The following ASAP1 variants were observed in gnomAD, a reference collection of about 807,000 sequenced individuals.
ASAP1 encodes arf-GAP with SH3 domain, ANK repeat and PH domain-containing protein 1.
In ASAP1, 43 loss-of-function variants were observed where a neutral mutation model predicts 145.2. That is an observed-to-expected ratio of 0.30 (90% CI 0.23 to 0.38). The LOEUF (loss-of-function observed/expected upper bound fraction) is 0.38. Among genes scored for constraint, ASAP1 ranks in the 10% least tolerant of loss-of-function variants. The pLI is 1.00. For missense variants in ASAP1, 1,018 were observed against 1,355.3 expected, an observed-to-expected ratio of 0.75 and a Z score of 3.91; for synonymous variants, 546 against 515.5, an observed-to-expected ratio of 1.06 and a Z score of -0.80.
chr8:130,153,593 C>T (rs1397045909), intron 12 of ASAP1, among the ~76,000 whole-genome samples: 1 of 151,618 alleles, frequency 6.6e-6, no homozygotes, highest in Admixed American at 6.6e-5. Flanking sequence ...GTCTCAAACT[C>T]CTGGGCTCAT....
Position 130,072,824 on chromosome 8 carries a change from T to TGTGTGTGCGCGCGCGCGCGC in ASAP1, c.2701+3523_2701+3524insGCGCGCGCGCGCGCACACAC. On this transcript the variant is annotated intron_variant, in intron 27 of 29. Transcript: ENST00000518721. ...GTGTGTGTGTGTGTGTGTGTGTGTG[T>TGTGTGTGCGCGCGCGCGCGC]GCGCGCGGGGGGGGGCAGTTTTGGG... Among the ~76,000 whole-genome samples the TGTGTGTGCGCGCGCGCGCGC allele has an allele frequency of 1.9e-3, 60 of 32,310 alleles. 1 individual carries two copies. Among genetic ancestry groups the TGTGTGTGCGCGCGCGCGCGC allele is most frequent in the Admixed American group, 8.3e-3 (23 of 2,786 alleles). The allele number at this position is 32,310 out of a possible 152,430, so 21.2% of individuals were successfully genotyped here.
At chr8:130,059,948 A>T (rs1262423407) in intron 28 of ASAP1, among the ~76,000 whole-genome samples, 1 of 151,858 alleles carries the variant, frequency 6.6e-6, no homozygotes, top group Non-Finnish European at 1.5e-5. Context: ...GCGTAGTGAT[A>T]TGTACCTTGG....
rs920693729 is a variant in ASAP1 at position 130,193,986 on chromosome 8, C to T, written c.406-5803G>A. Among the ~76,000 whole-genome samples the T allele has an allele frequency of 2.6e-5, 4 of 152,180 alleles. 1 individual carries two copies. In the South Asian group the frequency reaches 8.3e-4, roughly 32 times the overall value. On this transcript the variant is annotated intron_variant, in intron 5 of 29. Coordinates refer to ENST00000518721, the MANE Select transcript of ASAP1 (RefSeq NM_018482.4). ...ATTACAGGCGTGAGCAACCATGCTC[C>T]GCCACACATAGTAACTTTTTAATGT...
At chr8:130,416,191 C>T (rs1022910224) in intron 1 of ASAP1, among the ~76,000 whole-genome samples, 2 of 152,114 alleles carry the variant, frequency 1.3e-5, no homozygotes, top group African/African-American at 2.4e-5. Context: ...TCGCCAACTC[C>T]GGAGGACAAG....
intron 25 of ASAP1, among the ~76,000 whole-genome samples, chr8:130,090,263 GAAAT>G (rs140699732): frequency 0.066 from 9,935 of 151,094 alleles, 1,088 homozygotes; most frequent in African/African-American, 0.23. Flanking sequence ...CAAACCTTAA[GAAAT>G]AAAGCCACTT....
At chr8:130,167,725 G>A (rs1272578997) in intron 10 of ASAP1, 103 bp from the exon 11 acceptor site, 1 of 823,584 alleles carries the variant, frequency 1.2e-6, no homozygotes, top group Admixed American at 2.4e-5. Context: ...TATATATTTG[G>A]TTTTCTTACT....
chr8:130,188,679 A>G (rs1814911497), intron 5 of ASAP1, among the ~76,000 whole-genome samples: 2 of 104,904 alleles, frequency 1.9e-5, no homozygotes, highest in Non-Finnish European at 2.1e-5. Flanking sequence ...GGTTGCAGTG[A>G]GCCGAGATCA....
At chr8:130,169,188 GTA>G in intron 9 of ASAP1, 121 bp from the exon 10 acceptor site, 1 of 571,306 alleles carries the variant, frequency 1.8e-6, no homozygotes, top group Non-Finnish European at 3.1e-6. Context: ...ACACTTATCT[GTA>G]TATATATACT....
chr8:130,321,885 T>C (rs571975079), intron 3 of ASAP1, among the ~76,000 whole-genome samples: 36 of 152,376 alleles, frequency 2.4e-4, no homozygotes, highest in Admixed American at 6.5e-4. Context: ...TTTAATTTTC[T>C]ATGATAAAAT....
intron 28 of ASAP1, 113 bp downstream of exon 28, chr8:130,060,466 G>C: frequency 7.3e-7 from 1 of 1,378,946 alleles, no homozygotes; most frequent in Non-Finnish European, 9.9e-7. Flanking sequence ...AGCACATAAG[G>C]GTCAGGTGAG....
intron 9 of ASAP1, among the ~76,000 whole-genome samples, chr8:130,177,604 T>C (rs866865598): frequency 9.9e-5 from 15 of 152,190 alleles, no homozygotes; most frequent in Admixed American, 4.6e-4. Context: ...AGGTCTTCAA[T>C]AAACAAACTT....
chr8:130,277,990 A>G (rs1264455914), intron 3 of ASAP1, among the ~76,000 whole-genome samples: 1 of 152,168 alleles, frequency 6.6e-6, no homozygotes, highest in African/African-American at 2.4e-5. Flanking sequence ...GAAGAAATCC[A>G]AAGTAGTATG....
intron 3 of ASAP1, among the ~76,000 whole-genome samples, chr8:130,259,339 G>A (rs1214960831): frequency 6.6e-6 from 1 of 152,112 alleles, no homozygotes; most frequent in Non-Finnish European, 1.5e-5. Context: ...CTAATAACAA[G>A]TTATTTCTCA....
In ASAP1 at chr8:130,254,260, A is replaced by T. The variant is rs566633404; in HGVS notation, c.187-17266T>A. ...GTTTTTCTTTTTAAATATATTTTAGATGCTTTTATTTAATTAATAAATTCA... is the reference window on the plus strand; with the variant it reads ...GTTTTTCTTTTTAAATATATTTTAGTTGCTTTTATTTAATTAATAAATTCA... On this transcript the variant is annotated intron_variant, in intron 3 of 29. Transcript: ENST00000518721. Among the ~76,000 whole-genome samples, 65 of 152,334 alleles carry T rather than the reference A, an allele frequency of 4.3e-4. 1 individual carries two copies. The highest frequency in any genetic ancestry group is 1.5e-3 in the African/African-American group (64 of 41,570).
chr8:130,117,225 A>G (rs2097557704), intron 20 of ASAP1, among the ~76,000 whole-genome samples: 1 of 152,224 alleles, frequency 6.6e-6, no homozygotes, highest in Non-Finnish European at 1.5e-5. Context: ...TAACATTTAC[A>G]TGTATTAGTT....
intron 13 of ASAP1, among the ~76,000 whole-genome samples, chr8:130,146,326 C>T (rs185489767): frequency 1.3e-5 from 2 of 151,972 alleles, no homozygotes; most frequent in East Asian, 1.9e-4. Context: ...TAGCATATAC[C>T]TTCGTATATG....
intron 27 of ASAP1, among the ~76,000 whole-genome samples, chr8:130,062,217 A>T (rs758824024): frequency 2.6e-5 from 4 of 152,154 alleles, no homozygotes; most frequent in Non-Finnish European, 4.4e-5. Context: ...CTCAGGGAGG[A>T]AACAGCTGAC....
At chr8:130,385,953 G>A (rs185246121) in intron 2 of ASAP1, among the ~76,000 whole-genome samples, 1 of 152,178 alleles carries the variant, frequency 6.6e-6, no homozygotes, top group South Asian at 2.1e-4. Flanking sequence ...CAGGTGACAT[G>A]GGCTTGTCCA....
At chr8:130,404,014 T>A (rs28707621) in intron 1 of ASAP1, among the ~76,000 whole-genome samples, 1 of 152,036 alleles carries the variant, frequency 6.6e-6, no homozygotes, top group Admixed American at 6.5e-5. Context: ...AAACTCTGCA[T>A]CTTCAGATTA....
Sources: allele counts gnomAD v4.1 joint callset (sites outside exome capture counted in the v4.1 genomes callset), GRCh38; gene constraint gnomAD v4.1.1; transcripts MANE v1.5; gene names NCBI Gene and HGNC (gene_info 2026-07-23, HGNC 2026-07-21).